Variants in DPYD observed in about 807,000 individuals in gnomAD.
DPYD encodes the protein dihydropyrimidine dehydrogenase.
In DPYD, 109 loss-of-function variants were observed where a neutral mutation model predicts 116.2. The observed-to-expected ratio is 0.94, with a 90% CI of 0.80 to 1.10. The LOEUF (loss-of-function observed/expected upper bound fraction) is 1.10. Among genes scored for constraint, DPYD ranks in the 50% least tolerant of loss-of-function variants. DPYD has a pLI of 0.00. For synonymous variants in DPYD, 440 were observed against 432.0 expected (o/e 1.02, Z -0.23); for missense variants, 1,302 against 1,254.5 (o/e 1.04, Z -0.57).
intron 13 of DPYD, among the ~76,000 whole-genome samples, chr1:97,460,018 GT>G (rs1676927903): frequency 1.3e-5 from 2 of 152,100 alleles, no homozygotes; most frequent in Admixed American, 1.3e-4. Flanking sequence ...AGAATCAAAG[GT>G]ACAGGAATAT....
chr1:97,788,110 T>C (rs10747485), intron 3 of DPYD, among the ~76,000 whole-genome samples: 126,234 of 152,170 alleles, frequency 0.83, 52,548 homozygotes, highest in East Asian at 0.98. Flanking sequence ...GCAACAGCAA[T>C]CCATGAGGTA....
intron 19 of DPYD, among the ~76,000 whole-genome samples, chr1:97,229,555 T>C (rs1661441184): frequency 2.9e-5 from 1 of 34,866 alleles, no homozygotes; most frequent in Non-Finnish European, 5.6e-5. Context: ...AGTATATATA[T>C]ATATATATAT....
At chr1:97,501,846 T>G (rs1343729832) in intron 13 of DPYD, among the ~76,000 whole-genome samples, 1 of 152,040 alleles carries the variant, frequency 6.6e-6, no homozygotes, top group African/African-American at 2.4e-5. Flanking sequence ...AATGTTTACA[T>G]TAACACTTTA....
chr1:97,843,544 G>C (rs1289877786), intron 2 of DPYD, among the ~76,000 whole-genome samples: 1 of 152,098 alleles, frequency 6.6e-6, no homozygotes, highest in Non-Finnish European at 1.5e-5. Flanking sequence ...TATTTTCCTA[G>C]ACAAGTTAGA....
chr1:97,108,879 G>T (rs897113291), intron 20 of DPYD, among the ~76,000 whole-genome samples: 1 of 152,012 alleles, frequency 6.6e-6, no homozygotes, highest in Non-Finnish European at 1.5e-5. Context: ...TACTAAAGAG[G>T]TAAGAATAAA....
chr1:97,725,885 T>C (rs777159324), intron 4 of DPYD, among the ~76,000 whole-genome samples: 2 of 151,470 alleles, frequency 1.3e-5, no homozygotes, highest in Non-Finnish European at 3.0e-5. Flanking sequence ...ATAAAATTGT[T>C]CTCAAATTGA....
At chr1:97,796,749 C>CTG (rs145315264) in intron 3 of DPYD, among the ~76,000 whole-genome samples, 7,380 of 152,110 alleles carry the variant, frequency 0.049, 576 homozygotes, top group African/African-American at 0.16. Flanking sequence ...AATAATTACA[C>CTG]TAACTCTGTG....
chr1:97,302,777 C>A (rs1666939429), intron 18 of DPYD, among the ~76,000 whole-genome samples: 1 of 151,972 alleles, frequency 6.6e-6, no homozygotes, highest in African/African-American at 2.4e-5. Flanking sequence ...ATGCTTATCC[C>A]AACTATATGC....
chr1:97,678,250 C>A (rs922342105), intron 8 of DPYD, among the ~76,000 whole-genome samples: 19 of 152,082 alleles, frequency 1.2e-4, no homozygotes, highest in Non-Finnish European at 2.8e-4. Context: ...CCATTAGATT[C>A]TAATCTAATC....
rs1570959225 is a variant in DPYD, at chr1:97,559,295, T to C, written c.1340-9551A>G. Among the ~76,000 whole-genome samples the C allele has an allele frequency of 2.6e-5, 4 of 152,044 alleles. No homozygotes were observed. In the East Asian group the frequency reaches 5.8e-4, roughly 22 times the overall value. The stretch of plus-strand genomic sequence containing the variant: ...CATTTAACGGAAAAATAAAAACAAA[T>C]AGGAAACCAGTAGTAAATTATACTA... On this transcript the variant is annotated intron_variant, in intron 11 of 22. Transcript: ENST00000370192.
At chr1:97,200,212 C>A (rs1043874065) in intron 19 of DPYD, among the ~76,000 whole-genome samples, 32 of 152,076 alleles carry the variant, frequency 2.1e-4, no homozygotes, top group African/African-American at 7.7e-4. Context: ...CCATAATTAT[C>A]CCTTTTCATT....
chr1:97,920,741 C>T lies in DPYD; in HGVS notation c.39+143G>A. On this transcript the variant is annotated intron_variant, in intron 1 of 22. Coordinates refer to ENST00000370192, the MANE Select transcript of DPYD (RefSeq NM_000110.4). The stretch of plus-strand genomic sequence containing the variant: ...GCCTGTGGCTCCGCGCTCCTCCGCT[C>T]CCCCGCAGAGCTCCCACGGGGGAAA... 2 of 1,230,856 alleles carry T rather than the reference C, an allele frequency of 1.6e-6. 1 individual carries two copies. Among genetic ancestry groups the T allele is most frequent in the South Asian group, 2.7e-5 (2 of 74,878 alleles). 76.2% of individuals were successfully genotyped at this position (1,230,856 alleles called of 1,614,324 possible).
At chr1:97,468,788 G>C (rs1283192153) in intron 13 of DPYD, among the ~76,000 whole-genome samples, 1 of 152,098 alleles carries the variant, frequency 6.6e-6, no homozygotes, top group African/African-American at 2.4e-5. Flanking sequence ...GACTACAGAG[G>C]GTGAGCTGAA....
intron 3 of DPYD, among the ~76,000 whole-genome samples, 165 bp from the exon 4 acceptor site, chr1:97,740,644 T>C (rs1290736104): frequency 2.0e-5 from 3 of 152,166 alleles, no homozygotes; most frequent in African/African-American, 7.2e-5. Context: ...CTGTGTTTCA[T>C]CTTTGGCACT....
At chr1:97,611,152 T>A (rs1655920781) in intron 8 of DPYD, among the ~76,000 whole-genome samples, 1 of 152,062 alleles carries the variant, frequency 6.6e-6, no homozygotes, top group Admixed American at 6.6e-5. Context: ...GGCCTCACAA[T>A]CATGCCAGAA....
intron 18 of DPYD, among the ~76,000 whole-genome samples, chr1:97,285,992 A>T (rs1334573244): frequency 6.6e-6 from 1 of 152,092 alleles, no homozygotes; most frequent in East Asian, 1.9e-4. Flanking sequence ...TTGCTCATTA[A>T]TTGATGCAGT....
At position 97,549,470 on chromosome 1, in the gene DPYD, A is replaced by C. The variant is rs562745318; in HGVS notation, c.1524+90T>G. 4 of 1,393,370 alleles carry C rather than the reference A, an allele frequency of 2.9e-6. No homozygotes were observed. In the African/African-American group the frequency reaches 5.7e-5, roughly 20 times the overall value. The allele number at this position is 1,393,370 out of a possible 1,614,324, so 86.3% of individuals were successfully genotyped here. Reference sequence around the variant, plus strand: ...TGTATATATGCTTATTATATACCAAATAGAAATGCTCTTATAGATGAGTAT... The same window carrying C: ...TGTATATATGCTTATTATATACCAACTAGAAATGCTCTTATAGATGAGTAT... On this transcript the variant is annotated intron_variant, in intron 12 of 22. Transcript: ENST00000370192.
chr1:97,201,374 C>A (rs1001113997), intron 19 of DPYD, among the ~76,000 whole-genome samples: 2 of 152,030 alleles, frequency 1.3e-5, no homozygotes, highest in Non-Finnish European at 2.9e-5. Context: ...TAATTACTCA[C>A]GGAATTGAGT....
At chr1:97,307,644 T>C (rs995244760) in intron 16 of DPYD, among the ~76,000 whole-genome samples, 3 of 151,930 alleles carry the variant, frequency 2.0e-5, no homozygotes, top group African/African-American at 7.2e-5. Flanking sequence ...CAGTAATTTC[T>C]TCATTAAACA....
Sources: allele counts gnomAD v4.1 joint callset (sites outside exome capture counted in the v4.1 genomes callset), GRCh38; gene constraint gnomAD v4.1.1; transcripts MANE v1.5; gene names NCBI Gene and HGNC (gene_info 2026-07-23, HGNC 2026-07-21).